Variants in GPAM observed in about 807,000 individuals in gnomAD.
GPAM encodes glycerol-3-phosphate acyltransferase, mitochondrial, also known as glycerol-3-phosphate acyltransferase 1, mitochondrial.
In GPAM, 56 loss-of-function variants were observed where a neutral mutation model predicts 105.0. That is an observed-to-expected ratio of 0.53 (90% CI 0.43 to 0.67). The LOEUF (loss-of-function observed/expected upper bound fraction) is 0.67, where lower values mean the gene tolerates loss of function less well. GPAM is among the 30% of genes least tolerant of loss of function. GPAM has a pLI of 0.00. For synonymous variants in GPAM, 368 were observed against 354.4 expected (o/e 1.04, Z -0.43); for missense variants, 855 against 989.8 (o/e 0.86, Z 1.83).
upstream of GPAM, among the ~76,000 whole-genome samples, chr10:112,187,424 C>A (rs1021799622): frequency 6.6e-6 from 1 of 151,970 alleles, no homozygotes; most frequent in Admixed American, 6.6e-5. Flanking sequence ...ATATTAATAT[C>A]ATATAATTTC....
chr10:112,154,543 C>G, intron 21 of GPAM, 86 bp downstream of exon 21: 2 of 1,004,670 alleles, frequency 2.0e-6, no homozygotes, highest in Non-Finnish European at 1.6e-6. Context: ...CGGGGTCCAC[C>G]CCACCACAAA....
In GPAM at chr10:112,153,639, C is replaced by T. The variant is rs1197635758; in HGVS notation, c.2398G>A (p.Val800Met). The T allele has an allele frequency of 8.1e-6, 13 of 1,610,712 alleles. No homozygotes were observed. The East Asian group carries it at 2.7e-4, about 33-fold the overall frequency. Residue 800 changes from valine (V) to methionine (M), a missense_variant, in exon 22 of 22, where the codon GTG becomes ATG. Coordinates refer to ENST00000348367, the MANE Select transcript of GPAM (RefSeq NM_001244949.2). ...GVFKETKQKR[V>M]SVLELSSTFL... Reference sequence around the variant, plus strand: ...GTGCTGCTCAGTTCTAAAACAGACACTCTCTTTTGTTTGGTCTCCTTGAAA... The same window carrying T: ...GTGCTGCTCAGTTCTAAAACAGACATTCTCTTTTGTTTGGTCTCCTTGAAA...
rs1846919872 is a variant in GPAM at position 112,151,579 on chromosome 10, A to G, written c.*1971T>C. On this transcript the variant is annotated 3_prime_UTR_variant, in exon 22 of 22. Transcript: ENST00000348367. ...CGTACTTCTAGAAAACAAACCAACC[A>G]AAAGGGAAAATAATGCAAGAGAAGC... The G allele has an allele frequency of 2.0e-6, 2 of 985,700 alleles. No individual in the cohort carries two copies. 61.1% of individuals were successfully genotyped at this position (985,700 alleles called of 1,614,324 possible). A position where few individuals can be genotyped will look rare whatever the true frequency, so the allele number is the denominator to read the frequency against.
In GPAM at chr10:112,152,715, G is replaced by A. The variant is rs756958398; in HGVS notation, c.*835C>T. 1.2e-4 allele frequency: 119 copies of A among 983,126 alleles called. No individual in the cohort carries two copies. The highest frequency in any genetic ancestry group is 4.0e-5 in the Non-Finnish European group (33 of 827,966). The allele number at this position is 983,126 out of a possible 1,614,324, so 60.9% of individuals were successfully genotyped here. On this transcript the variant is annotated 3_prime_UTR_variant, in exon 22 of 22. Coordinates refer to ENST00000348367, the MANE Select transcript of GPAM (RefSeq NM_001244949.2). Reference sequence around the variant, plus strand: ...GAGAGGCAGGTATTACCTGAGGGGTGGACGAGGTACAGACATAAAACAGGA... The same window carrying A: ...GAGAGGCAGGTATTACCTGAGGGGTAGACGAGGTACAGACATAAAACAGGA...
chr10:112,193,631 G>GA (rs1224626990), intron 1 of GPAM, among the ~76,000 whole-genome samples: 1 of 152,174 alleles, frequency 6.6e-6, no homozygotes, highest in African/African-American at 2.4e-5. Context: ...AACACACTTT[G>GA]AATTCAGCGT....
At chr10:112,196,799 G>C (rs888093936) in intron 1 of GPAM, among the ~76,000 whole-genome samples, 1 of 152,086 alleles carries the variant, frequency 6.6e-6, no homozygotes, top group East Asian at 1.9e-4. Flanking sequence ...TTTTACTACT[G>C]GTTGGATGGA....
At chr10:112,163,567 A>C in intron 14 of GPAM, 134 bp downstream of exon 14, 1 of 675,918 alleles carries the variant, frequency 1.5e-6, no homozygotes. Flanking sequence ...CCTTCTTTCT[A>C]ATAACTTACC....
upstream of GPAM, among the ~76,000 whole-genome samples, chr10:112,186,317 A>T (rs910163725): frequency 1.3e-5 from 2 of 151,578 alleles, no homozygotes; most frequent in Admixed American, 1.3e-4. Flanking sequence ...ATTTTTATAT[A>T]TATCAAAAAA....
intron 5 of GPAM, among the ~76,000 whole-genome samples, chr10:112,176,985 T>C (rs551814770): frequency 6.6e-6 from 1 of 152,296 alleles, no homozygotes; most frequent in South Asian, 2.1e-4. Flanking sequence ...ATAAAATATC[T>C]ACTTACATAA....
Position 112,168,459 on chromosome 10 carries a change from C to T in GPAM, c.960G>A (p.Arg320=), listed in dbSNP as rs767395086. 3 of 1,612,970 alleles carry T rather than the reference C, an allele frequency of 1.9e-6. No individual in the cohort carries two copies. The highest frequency in any genetic ancestry group is 2.5e-6 in the Non-Finnish European group (3 of 1,178,946). ...LEIFLEGTRS[R]SGKTSCARAG... ...CCCGAGCACAAGAGGTTTTTCCACT[C>T]CTAGAACGTGTGCCTTCCAGGAAGA... The change falls in exon 11 of 22, where the codon AGG becomes AGA. Residue 320 remains arginine, a synonymous_variant. Transcript: ENST00000348367.
chr10:112,203,407 T>G (rs1345619812), intron 1 of GPAM, among the ~76,000 whole-genome samples: 1 of 151,038 alleles, frequency 6.6e-6, no homozygotes, highest in Admixed American at 6.5e-5. Flanking sequence ...AGCCCCAGCA[T>G]GGGAGAACCA....
chr10:112,211,409 T>C (rs1847909449), intron 1 of GPAM, among the ~76,000 whole-genome samples: 1 of 152,192 alleles, frequency 6.6e-6, no homozygotes, highest in South Asian at 2.1e-4. Flanking sequence ...TCACAGACTC[T>C]GAGCCCCAGA....
At chr10:112,198,317 T>G (rs1847749927) in intron 1 of GPAM, among the ~76,000 whole-genome samples, 1 of 152,228 alleles carries the variant, frequency 6.6e-6, no homozygotes, top group African/African-American at 2.4e-5. Context: ...CACAGCGTTC[T>G]CCAGATTCAA....
intron 1 of GPAM, among the ~76,000 whole-genome samples, chr10:112,199,501 T>C (rs181616051): frequency 2.0e-5 from 3 of 152,278 alleles, no homozygotes; most frequent in South Asian, 2.1e-4. Flanking sequence ...CTAATAATAA[T>C]GTATACTTGC....
In GPAM at chr10:112,178,053, T is replaced by G. The variant is rs1847438906; in HGVS notation, c.230A>C (p.Lys77Thr). 3 of 1,568,684 alleles carry G rather than the reference T, an allele frequency of 1.9e-6. No individual in the cohort carries two copies. In the African/African-American group the frequency reaches 4.1e-5, roughly 21 times the overall value. The change falls in exon 5 of 22, where the codon AAA (lysine) becomes ACA (threonine). Residue 77 changes from lysine (K) to threonine (T), a missense_variant. Transcript: ENST00000348367. ...CYSCTPQSWD[K>T]FFNPSIPSLG... ...AGACGGGATACTGGGGTTGAAAAAT[T>G]TGTCCTATATAAAACAAAGTAAATG...
At chr10:112,220,683 T>C in the GPAM span, among the ~76,000 whole-genome samples, 1 of 152,102 alleles carries the variant, frequency 6.6e-6, no homozygotes, top group Middle Eastern at 3.2e-3. Flanking sequence ...GCTGCAGCTA[T>C]CTTCTGAGTA....
intron 12 of GPAM, 115 bp from the exon 13 acceptor site, chr10:112,164,725 A>G (rs956068848): frequency 1.4e-6 from 1 of 707,848 alleles, no homozygotes; most frequent in African/African-American, 1.8e-5. Context: ...GCCATGCTAT[A>G]GAGCATGGGA....
At chr10:112,158,676 G>A (rs1400074719) in intron 17 of GPAM, among the ~76,000 whole-genome samples, 13 of 152,154 alleles carry the variant, frequency 8.5e-5, no homozygotes, top group Admixed American at 8.5e-4. Context: ...CACCCACAGT[G>A]TGGAAAGCCC....
At chr10:112,220,610 C>A in the GPAM span, among the ~76,000 whole-genome samples, 3 of 152,170 alleles carry the variant, frequency 2.0e-5, no homozygotes, top group East Asian at 5.8e-4. Flanking sequence ...TTGTGGTGAT[C>A]TTCTTATTGT....
Sources: allele counts gnomAD v4.1 joint callset (sites outside exome capture counted in the v4.1 genomes callset), GRCh38; gene constraint gnomAD v4.1.1; transcripts MANE v1.5; gene names NCBI Gene and HGNC (gene_info 2026-07-23, HGNC 2026-07-21).